The following BMPR1B variants were observed in gnomAD, a reference collection of about 807,000 sequenced individuals.
BMPR1B encodes bone morphogenetic protein receptor type-1B.
A neutral mutation model predicts 59.1 loss-of-function variants in BMPR1B; 12 were observed. The observed-to-expected ratio is 0.20, with a 90% CI of 0.13 to 0.33. BMPR1B has a LOEUF of 0.33. BMPR1B is among the 10% of genes least tolerant of loss of function. BMPR1B has a pLI of 1.00. For missense variants in BMPR1B, 550 were observed against 610.9 expected (o/e 0.90, Z 1.05); for synonymous variants, 237 against 207.3 (o/e 1.14, Z -1.23).
rs916674553 is a variant in BMPR1B, at chr4:94,968,485, G to A, written c.-112-27555G>A. ...TGTTTATTTAACAATTAGTCTATCAGACAGCCGAATGTCAATGAGAAAATT... is the reference window on the plus strand; with the variant it reads ...TGTTTATTTAACAATTAGTCTATCAAACAGCCGAATGTCAATGAGAAAATT... On this transcript the variant is annotated intron_variant, in intron 2 of 12. Coordinates refer to ENST00000515059, the MANE Select transcript of BMPR1B (RefSeq NM_001203.3). Among the ~76,000 whole-genome samples, 2 of 152,126 alleles carry A rather than the reference G, an allele frequency of 1.3e-5. 1 individual carries two copies. The highest frequency in any genetic ancestry group is 2.9e-5 in the Non-Finnish European group (2 of 68,038).
chr4:94,791,330 C>G (rs1264791996), intron 1 of BMPR1B, among the ~76,000 whole-genome samples: 2 of 152,098 alleles, frequency 1.3e-5, no homozygotes, highest in Non-Finnish European at 2.9e-5. Flanking sequence ...CATGATGATT[C>G]TATTTGGGAT....
At chr4:95,026,406 T>A (rs1724420732) in intron 3 of BMPR1B, among the ~76,000 whole-genome samples, 1 of 152,016 alleles carries the variant, frequency 6.6e-6, no homozygotes, top group Non-Finnish European at 1.5e-5. Context: ...GCTGTCCATA[T>A]TAAGCTTGGT....
At chr4:94,842,742 A>C (rs532664232) in intron 1 of BMPR1B, among the ~76,000 whole-genome samples, 1 of 152,170 alleles carries the variant, frequency 6.6e-6, no homozygotes, top group Non-Finnish European at 1.5e-5. Flanking sequence ...CAATTTGAAA[A>C]CTAGAATTGA....
intron 8 of BMPR1B, among the ~76,000 whole-genome samples, chr4:95,129,464 A>G (rs971125206): frequency 1.3e-5 from 2 of 151,712 alleles, no homozygotes; most frequent in African/African-American, 2.4e-5. Context: ...ATGCATTACA[A>G]TTTTGTTTTG....
At chr4:94,914,846 C>CT (rs1210575513) in intron 2 of BMPR1B, among the ~76,000 whole-genome samples, 7 of 152,118 alleles carry the variant, frequency 4.6e-5, no homozygotes, top group African/African-American at 1.7e-4. Flanking sequence ...CTCATTTTGA[C>CT]TAAGTAGTCA....
At chr4:94,991,465 T>A (rs1489388546) in intron 2 of BMPR1B, among the ~76,000 whole-genome samples, 1 of 152,162 alleles carries the variant, frequency 6.6e-6, no homozygotes, top group Non-Finnish European at 1.5e-5. Flanking sequence ...CAATAGCAAA[T>A]AACAAGGAAG....
At chr4:95,138,046 G>A (rs912864907) in intron 10 of BMPR1B, among the ~76,000 whole-genome samples, 29 of 152,148 alleles carry the variant, frequency 1.9e-4, no homozygotes, top group Non-Finnish European at 3.4e-4. Flanking sequence ...GGCTGCTACC[G>A]GTTGTTCCTT....
At chr4:94,908,061 T>TAAA (rs571793477) in intron 2 of BMPR1B, among the ~76,000 whole-genome samples, 7 of 46,246 alleles carry the variant, frequency 1.5e-4, no homozygotes, top group Admixed American at 5.8e-4. Context: ...ACCCTGTCTT[T>TAAA]AAAAAAAAAA....
At chr4:95,068,815 G>C (rs1180620608) in intron 3 of BMPR1B, among the ~76,000 whole-genome samples, 1 of 152,140 alleles carries the variant, frequency 6.6e-6, no homozygotes, top group Non-Finnish European at 1.5e-5. Flanking sequence ...TATGCAAGCA[G>C]TTGTCTTAGG....
intron 2 of BMPR1B, among the ~76,000 whole-genome samples, chr4:94,978,818 A>G (rs374759941): frequency 6.6e-6 from 1 of 152,202 alleles, no homozygotes; most frequent in African/African-American, 2.4e-5. Flanking sequence ...TGGGTAATTT[A>G]TAAAGAAAAA....
At chr4:95,096,061 C>A (rs1730353037) in intron 3 of BMPR1B, among the ~76,000 whole-genome samples, 2 of 148,852 alleles carry the variant, frequency 1.3e-5, no homozygotes, top group Non-Finnish European at 3.0e-5. Context: ...GTTTTTTCTG[C>A]AAAAATCACG....
At chr4:94,899,171 A>G (rs7692925) in intron 2 of BMPR1B, among the ~76,000 whole-genome samples, 2,167 of 151,586 alleles carry the variant, frequency 0.014, 40 homozygotes, top group African/African-American at 0.05. Flanking sequence ...TGTGTGTGCA[A>G]TTTCCCTCTG....
intron 3 of BMPR1B, among the ~76,000 whole-genome samples, chr4:95,013,445 C>A (rs919656883): frequency 6.6e-6 from 1 of 152,098 alleles, no homozygotes; most frequent in African/African-American, 2.4e-5. Context: ...TATGAGACAG[C>A]TCACCCCATG....
intron 3 of BMPR1B, among the ~76,000 whole-genome samples, chr4:95,065,403 G>A (rs1306585032): frequency 1.3e-5 from 2 of 152,052 alleles, no homozygotes; most frequent in African/African-American, 2.4e-5. Flanking sequence ...ATATTAAAAA[G>A]CAATGATTTG....
At chr4:95,069,061 A>G (rs1728074957) in intron 3 of BMPR1B, among the ~76,000 whole-genome samples, 1 of 152,232 alleles carries the variant, frequency 6.6e-6, no homozygotes, top group Non-Finnish European at 1.5e-5. Context: ...GCTGAAGGAA[A>G]TGACATTAAG....
intron 3 of BMPR1B, among the ~76,000 whole-genome samples, chr4:95,064,229 T>A (rs569816623): frequency 1.3e-5 from 2 of 151,374 alleles, no homozygotes; most frequent in South Asian, 4.2e-4. Flanking sequence ...AGAACAGGGG[T>A]TCCCAACCCC....
intron 1 of BMPR1B, among the ~76,000 whole-genome samples, chr4:94,766,915 A>G (rs1177734488): frequency 1.3e-5 from 2 of 152,176 alleles, no homozygotes; most frequent in African/African-American, 2.4e-5. Flanking sequence ...GCCAGAGACA[A>G]TATGAAAATA....
intron 10 of BMPR1B, among the ~76,000 whole-genome samples, chr4:95,145,720 C>G (rs1221730517): frequency 6.6e-6 from 1 of 152,158 alleles, no homozygotes; most frequent in Non-Finnish European, 1.5e-5. Context: ...AGGGGCAGAG[C>G]TAAATGTTTT....
intron 1 of BMPR1B, among the ~76,000 whole-genome samples, chr4:94,820,717 T>C (rs1379912740): frequency 5.9e-5 from 9 of 151,876 alleles, no homozygotes; most frequent in Non-Finnish European, 1.0e-4. Context: ...GTAGATATAT[T>C]TTCAGTTCTT....
Sources: gnomAD v4.1 joint callset for allele counts (sites outside exome capture counted in the v4.1 genomes callset) on GRCh38, gnomAD v4.1.1 for gene constraint, MANE v1.5 for transcripts, NCBI Gene and HGNC (gene_info 2026-07-23, HGNC 2026-07-21) for gene names.